The following ASH1L variants were observed in gnomAD, a reference collection of about 807,000 sequenced individuals.
ASH1L encodes ASH1 like histone lysine methyltransferase.
In ASH1L, 23 loss-of-function variants were observed where a neutral mutation model predicts 269.0. That is an observed-to-expected ratio of 0.09 (90% CI 0.06 to 0.12). The LOEUF is 0.12. ASH1L is among the 10% of genes least tolerant of loss of function. The probability of loss-of-function intolerance (pLI) is 1.00; values close to 1 mark genes in which losing one functional copy is unlikely to be tolerated. For missense variants in ASH1L, 2,912 were observed against 3,567.8 expected, an observed-to-expected ratio of 0.82 and a Z score of 4.68; for synonymous variants, 1,187 against 1,253.5, an observed-to-expected ratio of 0.95 and a Z score of 1.12.
chr1:155,451,517 T>C (rs1663466830), intron 4 of ASH1L, among the ~76,000 whole-genome samples: 1 of 151,984 alleles, frequency 6.6e-6, no homozygotes, highest in Admixed American at 6.6e-5. Context: ...CACAGCACTT[T>C]GGGAGGCCAA....
At position 155,478,269 on chromosome 1, in the gene ASH1L, T is replaced by C. The variant is rs776962103; in HGVS notation, c.4601A>G (p.His1534Arg). 3.2e-5 allele frequency: 52 copies of C among 1,614,022 alleles called. No homozygotes were observed. In the Admixed American group the frequency reaches 8.5e-4, roughly 26 times the overall value. The change falls in exon 3 of 28, where the codon CAC (histidine) becomes CGC (arginine). Residue 1534 changes from histidine to arginine, a missense_variant. Around this residue, in one of 13 missense-constraint regions of ASH1L, gnomAD observed 789 missense variants for 897.6 expected, o/e 0.88. Transcript: ENST00000392403. The surrounding 1 kb of genome is among the most constrained non-coding windows in gnomAD (Gnocchi z 4.6). ...VGERYKHKEK[H>R]RCHMSCPHLS... ...ATGAGGGCAGGACATGTGACAACGG[T>C]GCTTTTCCTTATGCTTATATCGCTC...
At chr1:155,362,586 C>A (rs974046426) in intron 12 of ASH1L, among the ~76,000 whole-genome samples, 2 of 152,048 alleles carry the variant, frequency 1.3e-5, no homozygotes, top group African/African-American at 4.8e-5. Flanking sequence ...CCCAAAGTTA[C>A]ACAGCTGATA....
chr1:155,394,817 A>G (rs768983177), intron 7 of ASH1L, among the ~76,000 whole-genome samples: 1 of 152,168 alleles, frequency 6.6e-6, no homozygotes, highest in Non-Finnish European at 1.5e-5. Context: ...TACTCTGATC[A>G]TATGTGTGTA....
intron 7 of ASH1L, among the ~76,000 whole-genome samples, chr1:155,383,890 T>A (rs1657192065): frequency 6.6e-6 from 1 of 152,194 alleles, no homozygotes; most frequent in Non-Finnish European, 1.5e-5. Context: ...CTAATGACAC[T>A]GAATTGTCCA....
intron 5 of ASH1L, chr1:155,434,296 G>T: frequency 1.3e-6 from 2 of 1,577,168 alleles, no homozygotes; most frequent in East Asian, 2.3e-5. Context: ...GGGACAGGGG[G>T]AGGGGAGGAG....
rs567417269 is a variant in ASH1L at position 155,349,475 on chromosome 1, AG to A, written c.7422-17del. The A allele has an allele frequency of 2.3e-4, 368 of 1,614,136 alleles. No homozygotes were observed. In the East Asian group the frequency reaches 7.6e-3, roughly 33 times the overall value. On this transcript the variant is annotated splice_polypyrimidine_tract_variant and intron_variant, in intron 18 of 27. Coordinates refer to ENST00000392403, the MANE Select transcript of ASH1L (RefSeq NM_018489.3). ...ATCAGCATTCCTGGAACACAAAGCC[AG>A]GGTGTCAATCTGGCACACTTAGCAC...
chr1:155,431,417 G>T (rs898512340), intron 5 of ASH1L, among the ~76,000 whole-genome samples: 7 of 151,812 alleles, frequency 4.6e-5, no homozygotes, highest in African/African-American at 7.3e-5. Context: ...AGCCTCCCAA[G>T]TAGCTAGAAC....
intron 15 of ASH1L, 88 bp from the exon 16 acceptor site, chr1:155,354,718 G>T: frequency 7.9e-7 from 1 of 1,269,878 alleles, no homozygotes; most frequent in Non-Finnish European, 1.1e-6. Flanking sequence ...ATTGTTAGAC[G>T]ATATACGTGA....
chr1:155,551,414 AC>A (rs1671197718), intron 1 of ASH1L, among the ~76,000 whole-genome samples: 1 of 151,862 alleles, frequency 6.6e-6, no homozygotes, highest in Non-Finnish European at 1.5e-5. Flanking sequence ...TAATCCCAGC[AC>A]TTTGGGAGGC....
intron 2 of ASH1L, among the ~76,000 whole-genome samples, chr1:155,514,940 G>A (rs548004861): frequency 4.6e-5 from 7 of 152,038 alleles, no homozygotes; most frequent in Non-Finnish European, 1.0e-4. Flanking sequence ...GACAAAAAGT[G>A]GATTTTATAT....
intron 1 of ASH1L, among the ~76,000 whole-genome samples, chr1:155,559,320 T>C (rs9988540): frequency 0.058 from 8,875 of 152,010 alleles, 876 homozygotes; most frequent in African/African-American, 0.21. Context: ...GGGTGGATCA[T>C]CTGTCAGGAG....
intron 1 of ASH1L, among the ~76,000 whole-genome samples, chr1:155,527,698 G>A (rs1669361604): frequency 6.6e-6 from 1 of 151,900 alleles, no homozygotes; most frequent in Non-Finnish European, 1.5e-5. Context: ...ACAGGCATGT[G>A]CCACCATGTC....
At chr1:155,459,406 G>C (rs917995590) in intron 4 of ASH1L, among the ~76,000 whole-genome samples, 2 of 152,154 alleles carry the variant, frequency 1.3e-5, no homozygotes, top group Non-Finnish European at 2.9e-5. Flanking sequence ...ATGTTGAACA[G>C]GGTGGTCTCG....
chr1:155,453,775 G>C (rs1480301403), intron 4 of ASH1L, among the ~76,000 whole-genome samples: 4 of 149,806 alleles, frequency 2.7e-5, no homozygotes, highest in Non-Finnish European at 5.9e-5. Flanking sequence ...CTCTAGCCTG[G>C]GCAACAGAGG....
intron 4 of ASH1L, among the ~76,000 whole-genome samples, chr1:155,452,048 T>A (rs1005003156): frequency 2.6e-5 from 4 of 151,026 alleles, no homozygotes; most frequent in Non-Finnish European, 5.9e-5. Context: ...GGTAATTTTT[T>A]TTTTTTTTTT....
At position 155,481,586 on chromosome 1, in the gene ASH1L, T is replaced by G; in HGVS notation, c.1284A>C (p.Ala428=). 6.2e-7 allele frequency: 1 copy of G among 1,614,174 alleles called. No homozygotes were observed. The highest frequency in any genetic ancestry group is 8.5e-7 in the Non-Finnish European group (1 of 1,180,012). The change falls in exon 3 of 28, where the codon GCA becomes GCC. Residue 428 remains alanine (A), a synonymous_variant. Coordinates refer to ENST00000392403, the MANE Select transcript of ASH1L (RefSeq NM_018489.3). ...SKDAINLKAE[A]LLPTQEPLKA... is the part of the protein sequence containing the mutation. The stretch of plus-strand genomic sequence containing the variant: ...TAAGCGGTTCCTGAGTGGGGAGCAG[T>G]GCTTCGGCTTTAAGGTTTATGGCAT...
At chr1:155,341,418 C>T (rs1165255958) in intron 25 of ASH1L, among the ~76,000 whole-genome samples, 4 of 152,088 alleles carry the variant, frequency 2.6e-5, no homozygotes, top group Admixed American at 6.6e-5. Flanking sequence ...CCTCATGATC[C>T]GCCCACCTTG....
intron 1 of ASH1L, among the ~76,000 whole-genome samples, chr1:155,537,760 A>AAG (rs1670156385): frequency 6.6e-6 from 1 of 152,020 alleles, no homozygotes; most frequent in Non-Finnish European, 1.5e-5. Context: ...TTTTAAAAAA[A>AAG]GCTGGTAAAC....
intron 22 of ASH1L, 126 bp downstream of exon 22, chr1:155,344,057 T>G (rs762218071): frequency 1.4e-5 from 11 of 804,134 alleles, no homozygotes; most frequent in Non-Finnish European, 2.2e-5. Context: ...ACTACAGATA[T>G]AAAAACTTAT....
Sources: allele counts gnomAD v4.1 joint callset (sites outside exome capture counted in the v4.1 genomes callset), GRCh38; gene constraint gnomAD v4.1.1; regional missense constraint gnomAD v4.1.1; non-coding constraint Gnocchi (gnomAD v3.1); transcripts MANE v1.5; gene names NCBI Gene and HGNC (gene_info 2026-07-23, HGNC 2026-07-21).